The following SERPINI1 variants were observed in gnomAD, a reference collection of about 807,000 sequenced individuals.
The protein encoded by SERPINI1 is serpin family I member 1.
Under a neutral mutation model 41.1 loss-of-function variants are expected in SERPINI1, and 19 were observed. The ratio of observed to expected loss-of-function variants is 0.46; its 90% CI spans 0.32 to 0.68. The LOEUF is 0.68. Among genes scored for constraint, SERPINI1 ranks in the 30% least tolerant of loss-of-function variants. The pLI, the probability that SERPINI1 is intolerant of heterozygous loss-of-function variation, is 0.03. For missense variants in SERPINI1, 460 were observed against 479.2 expected, an observed-to-expected ratio of 0.96 and a Z score of 0.37; for synonymous variants, 138 against 156.6, an observed-to-expected ratio of 0.88 and a Z score of 0.89.
chr3:167,747,748 A>G (rs1725908348), intron 1 of SERPINI1, among the ~76,000 whole-genome samples: 1 of 152,198 alleles, frequency 6.6e-6, no homozygotes, highest in African/African-American at 2.4e-5. Context: ...AAGTGAATAT[A>G]ATATTTAAAA....
At chr3:167,799,938 T>C (rs1727847976) in intron 5 of SERPINI1, 1 of 152,104 alleles carries the variant, frequency 6.6e-6, no homozygotes, top group Non-Finnish European at 1.5e-5. Flanking sequence ...ATCAAAATAA[T>C]AAAAATATAT....
At chr3:167,764,771 A>T (rs184612258) in intron 1 of SERPINI1, among the ~76,000 whole-genome samples, 39 of 152,356 alleles carry the variant, frequency 2.6e-4, no homozygotes, top group African/African-American at 9.1e-4. Context: ...AAAGCAGGTT[A>T]GTTGCTTCAT....
chr3:167,799,718 T>C (rs1727841014), intron 5 of SERPINI1, among the ~76,000 whole-genome samples: 3 of 152,230 alleles, frequency 2.0e-5, no homozygotes, highest in South Asian at 4.1e-4. Context: ...TTTTCTGACT[T>C]TTTAATGATC....
chr3:167,793,596 A>ATATATATTTTTTT, intron 4 of SERPINI1, among the ~76,000 whole-genome samples: 6 of 140,620 alleles, frequency 4.3e-5, no homozygotes, highest in African/African-American at 1.6e-4. Context: ...ATATATATAT[A>ATATATATTTTTTT]TTTTTAATTA....
At chr3:167,781,635 T>A (rs1226710731) in intron 1 of SERPINI1, among the ~76,000 whole-genome samples, 3 of 57,940 alleles carry the variant, frequency 5.2e-5, no homozygotes. Flanking sequence ...TCTTTTGGCC[T>A]TTTTTTTTTT....
intron 4 of SERPINI1, among the ~76,000 whole-genome samples, chr3:167,793,864 G>T (rs963292252): frequency 2.6e-5 from 4 of 151,422 alleles, no homozygotes; most frequent in African/African-American, 9.7e-5. Context: ...GTGTGTGTGT[G>T]TGTGTGTTAA....
intron 1 of SERPINI1, among the ~76,000 whole-genome samples, chr3:167,773,417 C>G (rs1263708606): frequency 6.7e-6 from 1 of 148,504 alleles, no homozygotes; most frequent in Non-Finnish European, 1.5e-5. Flanking sequence ...CAATATTTCC[C>G]CTACTTTTTT....
At chr3:167,805,842 G>C (rs1052460215) in intron 5 of SERPINI1, among the ~76,000 whole-genome samples, 1 of 152,122 alleles carries the variant, frequency 6.6e-6, no homozygotes, top group Non-Finnish European at 1.5e-5. Context: ...TCAAAGATCA[G>C]ATGGTTGTAG....
chr3:167,754,525 A>G lies in SERPINI1; in HGVS notation c.-19+18702A>G, dbSNP rs531126568. Among the ~76,000 whole-genome samples the G allele has an allele frequency of 2.5e-4, 38 of 152,344 alleles. No homozygotes were observed. The South Asian group carries it at 7.9e-3, about 32-fold the overall frequency. ...TACACTGTTCAAATTTGAATATTCT[A>G]AATGTCAACAAAGAATAACATTAAT... On this transcript the variant is annotated intron_variant, in intron 1 of 8. Transcript: ENST00000446050.
At chr3:167,804,459 T>A (rs943838328) in intron 5 of SERPINI1, among the ~76,000 whole-genome samples, 1 of 152,222 alleles carries the variant, frequency 6.6e-6, no homozygotes, top group Non-Finnish European at 1.5e-5. Context: ...GGAGGCAACA[T>A]CTTAGAAAAA....
chr3:167,762,484 C>G (rs918538050), intron 1 of SERPINI1, among the ~76,000 whole-genome samples: 3 of 152,176 alleles, frequency 2.0e-5, no homozygotes, highest in Admixed American at 1.3e-4. Flanking sequence ...CCCCATTCTT[C>G]CTTAACTCAG....
At chr3:167,759,400 G>GTCTATATATATATATATATATA (rs964402772) in intron 1 of SERPINI1, among the ~76,000 whole-genome samples, 1 of 121,118 alleles carries the variant, frequency 8.3e-6, no homozygotes, top group Non-Finnish European at 1.8e-5. Context: ...AGAAAATGTG[G>GTCTATATATATATATATATATA]TATATATATA....
At chr3:167,770,701 A>G (rs929593789) in intron 1 of SERPINI1, among the ~76,000 whole-genome samples, 10 of 152,308 alleles carry the variant, frequency 6.6e-5, no homozygotes, top group African/African-American at 2.4e-4. Context: ...GTCTTTTTCC[A>G]CAATTGTCTC....
intron 5 of SERPINI1, among the ~76,000 whole-genome samples, 191 bp from the exon 6 acceptor site, chr3:167,807,052 TG>T (rs998706319): frequency 6.6e-6 from 1 of 152,166 alleles, no homozygotes; most frequent in African/African-American, 2.4e-5. Flanking sequence ...AATTCTATTT[TG>T]TTATGTCAAT....
chr3:167,822,048 G>A (rs151259675), intron 6 of SERPINI1, among the ~76,000 whole-genome samples: 43 of 152,264 alleles, frequency 2.8e-4, no homozygotes, highest in Admixed American at 1.2e-3. Flanking sequence ...TGTCAATCTC[G>A]TCTAAAAGCA....
chr3:167,749,391 G>C (rs966805882), intron 1 of SERPINI1, among the ~76,000 whole-genome samples: 8 of 152,060 alleles, frequency 5.3e-5, no homozygotes, highest in African/African-American at 1.9e-4. Context: ...CTAGCTGCCT[G>C]GCATGAATAA....
intron 1 of SERPINI1, among the ~76,000 whole-genome samples, chr3:167,751,401 A>G (rs938664271): frequency 6.6e-6 from 1 of 152,210 alleles, no homozygotes; most frequent in East Asian, 1.9e-4. Flanking sequence ...GTAGCCCTGT[A>G]ATTACACAAA....
At chr3:167,803,415 C>A (rs1287060224) in intron 5 of SERPINI1, among the ~76,000 whole-genome samples, 1 of 152,034 alleles carries the variant, frequency 6.6e-6, no homozygotes, top group Admixed American at 6.6e-5. Context: ...ATACGACACC[C>A]TAACATCTAT....
chr3:167,759,446 T>A (rs1337382522), intron 1 of SERPINI1, among the ~76,000 whole-genome samples: 2 of 132,124 alleles, frequency 1.5e-5, no homozygotes, highest in African/African-American at 2.9e-5. Context: ...TATGCAGCCA[T>A]AAAAAAGAAT....
Sources: allele counts gnomAD v4.1 joint callset (sites outside exome capture counted in the v4.1 genomes callset), GRCh38; gene constraint gnomAD v4.1.1; transcripts MANE v1.5; gene names NCBI Gene and HGNC (gene_info 2026-07-23, HGNC 2026-07-21).